Variants in CDH12 observed in about 807,000 individuals in gnomAD.
The protein encoded by CDH12 is cadherin-12.
Under a neutral mutation model 74.1 loss-of-function variants are expected in CDH12, and 41 were observed. That is an observed-to-expected ratio of 0.55 (90% CI 0.43 to 0.72). The LOEUF (loss-of-function observed/expected upper bound fraction) is 0.72, where lower values mean the gene tolerates loss of function less well. CDH12 is among the 30% of genes least tolerant of loss of function. The pLI, the probability that CDH12 is intolerant of heterozygous loss-of-function variation, is 0.00. For synonymous variants in CDH12, 399 were observed against 355.0 expected (o/e 1.12, Z -1.39); for missense variants, 945 against 977.2 (o/e 0.97, Z 0.44).
chr5:22,028,816 C>A (rs1273498095), intron 5 of CDH12, among the ~76,000 whole-genome samples: 5 of 152,086 alleles, frequency 3.3e-5, no homozygotes, highest in Non-Finnish European at 5.9e-5. Flanking sequence ...CAAACCTAAG[C>A]CAAAAGAACA....
intron 3 of CDH12, among the ~76,000 whole-genome samples, chr5:22,336,704 A>G (rs1253843328): frequency 1.3e-5 from 2 of 152,214 alleles, no homozygotes; most frequent in African/African-American, 4.8e-5. Context: ...CAGAAATTGT[A>G]TGGAATGGCC....
intron 1 of CDH12, among the ~76,000 whole-genome samples, chr5:22,731,655 T>G (rs2127004328): frequency 6.6e-6 from 1 of 152,010 alleles, no homozygotes; most frequent in East Asian, 1.9e-4. Context: ...CAAGTTTACT[T>G]ATGGAAGTAT....
intron 3 of CDH12, among the ~76,000 whole-genome samples, chr5:22,261,075 A>G (rs908703653): frequency 7.3e-5 from 11 of 150,872 alleles, no homozygotes; most frequent in African/African-American, 2.4e-4. Flanking sequence ...GTGTGTGTGT[A>G]TATACACATA....
chr5:21,754,625 C>A (rs976313634), intron 14 of CDH12, among the ~76,000 whole-genome samples: 1 of 152,118 alleles, frequency 6.6e-6, no homozygotes, highest in Admixed American at 6.6e-5. Context: ...CACAAGCTAC[C>A]ATATAACGCG....
intron 1 of CDH12, among the ~76,000 whole-genome samples, chr5:22,547,326 T>C (rs1246398946): frequency 6.6e-6 from 1 of 152,222 alleles, no homozygotes; most frequent in Non-Finnish European, 1.5e-5. Flanking sequence ...GAGACATGGG[T>C]AAGTATCTCT....
At chr5:21,978,182 C>G (rs1486767115) in intron 5 of CDH12, among the ~76,000 whole-genome samples, 1 of 152,148 alleles carries the variant, frequency 6.6e-6, no homozygotes, top group African/African-American at 2.4e-5. Context: ...GCTCTCGTTG[C>G]CCAGGCTGGA....
At chr5:22,712,091 G>A (rs1202403829) in intron 1 of CDH12, among the ~76,000 whole-genome samples, 1 of 151,916 alleles carries the variant, frequency 6.6e-6, no homozygotes, top group Non-Finnish European at 1.5e-5. Context: ...AGCACACACA[G>A]TAAATGCTCA....
intron 1 of CDH12, among the ~76,000 whole-genome samples, chr5:22,721,564 T>C (rs1428272772): frequency 3.9e-5 from 6 of 152,172 alleles, no homozygotes; most frequent in Admixed American, 3.3e-4. Context: ...CGAGTTAATA[T>C]TGAAATGAGT....
chr5:22,080,616 A>C (rs982347056), intron 4 of CDH12, among the ~76,000 whole-genome samples: 1 of 152,148 alleles, frequency 6.6e-6, no homozygotes, highest in Non-Finnish European at 1.5e-5. Context: ...AAAAATTGGC[A>C]ATTTGGGATC....
chr5:22,635,708 G>A (rs1287486205), intron 1 of CDH12, among the ~76,000 whole-genome samples: 1 of 152,102 alleles, frequency 6.6e-6, no homozygotes, highest in Non-Finnish European at 1.5e-5. Context: ...GAGGTCAGGA[G>A]ATCGAAACCG....
intron 3 of CDH12, among the ~76,000 whole-genome samples, chr5:22,353,663 A>G (rs1285804394): frequency 3.3e-5 from 5 of 152,182 alleles, no homozygotes; most frequent in Non-Finnish European, 4.4e-5. Context: ...GTAAAAAAAT[A>G]CAGACCTATA....
chr5:22,187,891 A>G (rs1474226229), intron 4 of CDH12, among the ~76,000 whole-genome samples: 5 of 152,230 alleles, frequency 3.3e-5, no homozygotes, highest in Non-Finnish European at 7.3e-5. Flanking sequence ...TGCAGGTGGA[A>G]TACAACTGAA....
chr5:22,169,215 T>A (rs1748873109), intron 4 of CDH12, among the ~76,000 whole-genome samples: 2 of 151,860 alleles, frequency 1.3e-5, no homozygotes, highest in African/African-American at 4.8e-5. Context: ...TTTCACTTTA[T>A]CCTCTTCTAC....
chr5:22,582,628 G>A (rs912440747), intron 1 of CDH12, among the ~76,000 whole-genome samples: 1 of 152,142 alleles, frequency 6.6e-6, no homozygotes, highest in Non-Finnish European at 1.5e-5. Context: ...ATATATTAGT[G>A]AGAAACATTA....
intron 4 of CDH12, among the ~76,000 whole-genome samples, chr5:22,196,601 G>A (rs1750632910): frequency 1.3e-5 from 2 of 152,158 alleles, no homozygotes; most frequent in Admixed American, 1.3e-4. Context: ...GCTTTACACA[G>A]CTTCAAAAGT....
intron 4 of CDH12, among the ~76,000 whole-genome samples, chr5:22,181,443 A>G (rs759261978): frequency 2.0e-5 from 3 of 152,122 alleles, no homozygotes; most frequent in Non-Finnish European, 4.4e-5. Context: ...AAATTCTGAA[A>G]GACTCATCTT....
At chr5:21,943,323 G>C (rs1398727850) in intron 6 of CDH12, among the ~76,000 whole-genome samples, 1 of 152,112 alleles carries the variant, frequency 6.6e-6, no homozygotes, top group African/African-American at 2.4e-5. Flanking sequence ...AAAGTTTACA[G>C]TAAAATTTTT....
intron 3 of CDH12, among the ~76,000 whole-genome samples, chr5:22,262,181 A>T (rs1170586102): frequency 6.6e-6 from 1 of 151,492 alleles, no homozygotes; most frequent in Non-Finnish European, 1.5e-5. Flanking sequence ...GGTTAGTTAC[A>T]TATGTATACA....
chr5:21,975,957 T>C (rs1757055711), intron 5 of CDH12, among the ~76,000 whole-genome samples: 1 of 152,058 alleles, frequency 6.6e-6, no homozygotes, highest in Non-Finnish European at 1.5e-5. Context: ...GTTCTGAAGA[T>C]GAAATCAATG....
Sources: gnomAD v4.1 joint callset for allele counts (sites outside exome capture counted in the v4.1 genomes callset) on GRCh38, gnomAD v4.1.1 for gene constraint, MANE v1.5 for transcripts, NCBI Gene and HGNC (gene_info 2026-07-23, HGNC 2026-07-21) for gene names.